Variants in MAGI1 observed in about 807,000 individuals in gnomAD.
The protein encoded by MAGI1 is membrane-associated guanylate kinase, WW and PDZ domain-containing protein 1.
In MAGI1, 58 loss-of-function variants were observed where a neutral mutation model predicts 139.9. That is an observed-to-expected ratio of 0.41 (90% CI 0.34 to 0.52). The LOEUF (loss-of-function observed/expected upper bound fraction) is 0.52. Ranked by LOEUF, MAGI1 falls within the 20% of genes least tolerant of loss-of-function variation. MAGI1 has a pLI of 0.12. For synonymous variants in MAGI1, 812 were observed against 737.9 expected (o/e 1.10, Z -1.63); for missense variants, 1,874 against 1,901.6 (o/e 0.99, Z 0.27).
intron 2 of MAGI1, among the ~76,000 whole-genome samples, chr3:65,557,910 T>A (rs2080162643): frequency 6.6e-6 from 1 of 152,196 alleles, no homozygotes; most frequent in African/African-American, 2.4e-5. Flanking sequence ...GATAACCATG[T>A]AGAGAGGTCC....
At chr3:65,584,932 G>T (rs912562363) in intron 2 of MAGI1, among the ~76,000 whole-genome samples, 1 of 152,142 alleles carries the variant, frequency 6.6e-6, no homozygotes, top group Non-Finnish European at 1.5e-5. Context: ...CGCATTCAGG[G>T]ACCTTCATAT....
intron 1 of MAGI1, among the ~76,000 whole-genome samples, chr3:65,718,998 C>T (rs1230705447): frequency 7.2e-6 from 1 of 138,112 alleles, no homozygotes; most frequent in East Asian, 2.1e-4. Flanking sequence ...AACTTCTACC[C>T]AGTAGCACAT....
At chr3:65,766,236 C>T (rs968336207) in intron 1 of MAGI1, among the ~76,000 whole-genome samples, 8 of 152,076 alleles carry the variant, frequency 5.3e-5, no homozygotes, top group African/African-American at 1.7e-4. Flanking sequence ...ACTCAGAAAT[C>T]GGGAGTTTAA....
intron 1 of MAGI1, among the ~76,000 whole-genome samples, chr3:65,961,924 A>G (rs2064447074): frequency 6.6e-6 from 1 of 152,182 alleles, no homozygotes; most frequent in African/African-American, 2.4e-5. Context: ...TAGAGCTAAG[A>G]GTCTGGGAGC....
intron 1 of MAGI1, among the ~76,000 whole-genome samples, chr3:65,636,335 T>C (rs1397435896): frequency 2.0e-5 from 3 of 152,218 alleles, no homozygotes; most frequent in Non-Finnish European, 4.4e-5. Flanking sequence ...GAGAGAGTTC[T>C]AGGCTGATTA....
chr3:65,456,771 A>G (rs1248705701), intron 5 of MAGI1, among the ~76,000 whole-genome samples: 2 of 152,132 alleles, frequency 1.3e-5, no homozygotes, highest in African/African-American at 2.4e-5. Flanking sequence ...ATTTACTGAA[A>G]AGGCTATCTG....
In MAGI1 at chr3:65,375,728, TA is replaced by T; in HGVS notation, c.3196+16del. 6.5e-7 allele frequency: 1 copy of T among 1,545,712 alleles called. No individual in the cohort carries two copies. Among genetic ancestry groups the T allele is most frequent in the Non-Finnish European group, 8.9e-7 (1 of 1,123,428 alleles). ...AGAAAAAGAGAGAGAGAGAGAGAGA[TA>T]ATAGGTATACTTTACCATCCCCAGG... On this transcript the variant is annotated intron_variant, in intron 18 of 22. Transcript: ENST00000402939.
At chr3:65,781,879 A>G (rs1239239642) in intron 1 of MAGI1, among the ~76,000 whole-genome samples, 1 of 137,654 alleles carries the variant, frequency 7.3e-6, no homozygotes, top group Non-Finnish European at 1.6e-5. Flanking sequence ...GGAAGTCTGA[A>G]CCATCTGACT....
intron 1 of MAGI1, among the ~76,000 whole-genome samples, chr3:65,841,871 T>C (rs1357355974): frequency 2.6e-5 from 4 of 152,132 alleles, no homozygotes; most frequent in African/African-American, 9.7e-5. Flanking sequence ...TAAAAAACCA[T>C]ATTACAACTG....
At chr3:65,499,821 C>A (rs2077015333) in intron 2 of MAGI1, among the ~76,000 whole-genome samples, 1 of 151,706 alleles carries the variant, frequency 6.6e-6, no homozygotes, top group African/African-American at 2.4e-5. Flanking sequence ...AATACTATAC[C>A]CTTAACAGTG....
intron 1 of MAGI1, among the ~76,000 whole-genome samples, chr3:65,978,748 G>A (rs111545630): frequency 0.053 from 8,067 of 150,936 alleles, 630 homozygotes; most frequent in South Asian, 0.25. Context: ...CCAGCCTTGC[G>A]TCCTGAGTAG....
chr3:65,699,623 A>C (rs1040373535), intron 1 of MAGI1, among the ~76,000 whole-genome samples: 2 of 149,362 alleles, frequency 1.3e-5, no homozygotes, highest in African/African-American at 5.0e-5. Context: ...AAACTATCGC[A>C]ACAACAAAAA....
At chr3:65,369,675 A>C (rs534486124) in intron 18 of MAGI1, among the ~76,000 whole-genome samples, 194 of 152,040 alleles carry the variant, frequency 1.3e-3, no homozygotes, top group Non-Finnish European at 2.2e-3. Flanking sequence ...TGCCTGGCTA[A>C]TTTTTTGTAT....
intron 1 of MAGI1, among the ~76,000 whole-genome samples, chr3:65,896,457 C>G (rs901575176): frequency 2.0e-5 from 3 of 152,150 alleles, no homozygotes; most frequent in Non-Finnish European, 4.4e-5. Flanking sequence ...TCCAAGAAAA[C>G]TACGAATCAT....
At chr3:65,500,105 G>C (rs1478451161) in intron 2 of MAGI1, among the ~76,000 whole-genome samples, 3 of 152,184 alleles carry the variant, frequency 2.0e-5, no homozygotes, top group Non-Finnish European at 2.9e-5. Context: ...CCATCTCATA[G>C]AAAGCCAGCC....
intron 1 of MAGI1, among the ~76,000 whole-genome samples, chr3:65,630,991 C>T (rs190794743): frequency 4.6e-5 from 7 of 152,288 alleles, no homozygotes; most frequent in Non-Finnish European, 8.8e-5. Flanking sequence ...AGGTAGAGGA[C>T]GTGGTCTAAA....
At chr3:65,551,457 C>T (rs772786251) in intron 2 of MAGI1, among the ~76,000 whole-genome samples, 6 of 152,156 alleles carry the variant, frequency 3.9e-5, no homozygotes, top group South Asian at 2.1e-4. Context: ...CGCACCACCG[C>T]GCGCGGCTAA....
At chr3:66,000,432 T>G (rs931458900) in intron 1 of MAGI1, among the ~76,000 whole-genome samples, 1 of 151,900 alleles carries the variant, frequency 6.6e-6, no homozygotes, top group African/African-American at 2.4e-5. Context: ...ATTTTCTTAT[T>G]GAAATAAACG....
At chr3:65,752,829 G>A (rs1429622862) in intron 1 of MAGI1, among the ~76,000 whole-genome samples, 1 of 152,178 alleles carries the variant, frequency 6.6e-6, no homozygotes, top group Non-Finnish European at 1.5e-5. Flanking sequence ...CTTTCAGCAA[G>A]AATCCTGTTA....
Sources: allele counts gnomAD v4.1 joint callset (sites outside exome capture counted in the v4.1 genomes callset), GRCh38; gene constraint gnomAD v4.1.1; transcripts MANE v1.5; gene names NCBI Gene and HGNC (gene_info 2026-07-23, HGNC 2026-07-21).